Variants in GIGYF2 observed in about 807,000 individuals in gnomAD.
The protein encoded by GIGYF2 is GRB10 interacting GYF protein 2.
A neutral mutation model predicts 208.1 loss-of-function variants in GIGYF2; 25 were observed. That is an observed-to-expected ratio of 0.12 (90% CI 0.09 to 0.17). GIGYF2 has a LOEUF of 0.17. Among genes scored for constraint, GIGYF2 ranks in the 10% least tolerant of loss-of-function variants. The probability of loss-of-function intolerance (pLI) is 1.00; values close to 1 mark genes in which losing one functional copy is unlikely to be tolerated. For missense variants in GIGYF2, 1,302 were observed against 1,579.4 expected, an observed-to-expected ratio of 0.82 and a Z score of 2.98; for synonymous variants, 534 against 543.8, an observed-to-expected ratio of 0.98 and a Z score of 0.25.
intron 8 of GIGYF2, among the ~76,000 whole-genome samples, chr2:232,785,039 C>T (rs1193123764): frequency 1.3e-5 from 2 of 152,000 alleles, no homozygotes; most frequent in African/African-American, 4.8e-5. Flanking sequence ...ATGCTGGTGC[C>T]ATGCTTGTAT....
At chr2:232,704,825 T>C (rs568960091) in intron 2 of GIGYF2, among the ~76,000 whole-genome samples, 33 of 151,932 alleles carry the variant, frequency 2.2e-4, no homozygotes, top group African/African-American at 7.2e-4. Context: ...GTTATTTCCA[T>C]TGATTGTTTT....
At chr2:232,848,965 C>G (rs937815922) in intron 27 of GIGYF2, among the ~76,000 whole-genome samples, 1 of 152,100 alleles carries the variant, frequency 6.6e-6, no homozygotes, top group Non-Finnish European at 1.5e-5. Context: ...TGGCAAGGCT[C>G]ATGGAAGGGC....
Position 232,850,271 on chromosome 2 carries a change from T to G in GIGYF2, c.3694T>G (p.Trp1232Gly). 2 of 1,613,510 alleles carry G rather than the reference T, an allele frequency of 1.2e-6. No homozygotes were observed. Among genetic ancestry groups the G allele is most frequent in the Non-Finnish European group, 1.7e-6 (2 of 1,179,426 alleles). The change falls in exon 28 of 29, where the codon TGG becomes GGG. Residue 1232 changes from tryptophan to glycine, a missense_variant. Trp to Gly is a radical substitution (Grantham distance 184). Around this residue, in one of 8 missense-constraint regions of GIGYF2, gnomAD observed 701 missense variants for 793.0 expected, o/e 0.88. Coordinates refer to ENST00000373563, the MANE Select transcript of GIGYF2 (RefSeq NM_001103146.3). ...GCTGCTTATTTCACAGGACTCTGTG[T>G]GGGGGATGAACCACAGTACACTCCA... ...PQQPQQQDSV[W>G]GMNHSTLHSV...
chr2:232,761,370 T>C (rs749371275), intron 7 of GIGYF2, 26 bp from the exon 8 acceptor site: 59 of 1,557,946 alleles, frequency 3.8e-5, no homozygotes, highest in Non-Finnish European at 4.9e-5. Context: ...TGAGACTTTG[T>C]TTGAAACTTA....
intron 9 of GIGYF2, 85 bp downstream of exon 9, chr2:232,787,414 C>A: frequency 8.2e-7 from 1 of 1,220,188 alleles, no homozygotes; most frequent in South Asian, 1.3e-5. Flanking sequence ...AAAAGATAAA[C>A]TGGCTTAAAA....
chr2:232,750,035 A>G (rs1203295634), intron 5 of GIGYF2, among the ~76,000 whole-genome samples: 1 of 152,090 alleles, frequency 6.6e-6, no homozygotes, highest in African/African-American at 2.4e-5. Context: ...AAATAAAAAA[A>G]TTAGCCGAGC....
At position 232,820,050 on chromosome 2, in the gene GIGYF2, T is replaced by C. The variant is rs1574921482; in HGVS notation, c.2529+65T>C. On this transcript the variant is annotated intron_variant, in intron 21 of 28. Coordinates refer to ENST00000373563, the MANE Select transcript of GIGYF2 (RefSeq NM_001103146.3). ...CTGGGAATTAGTGATTTAGAAAATA[T>C]TAGGACATTAAGGTAGCCTATCTAA... is the stretch of plus-strand genomic sequence containing the variant. The C allele has an allele frequency of 8.2e-6, 13 of 1,587,816 alleles. 1 individual carries two copies. The South Asian group carries it at 1.3e-4, about 16-fold the overall frequency.
chr2:232,850,461 A>C (rs543944739), intron 28 of GIGYF2, 52 bp downstream of exon 28: 4 of 1,514,084 alleles, frequency 2.6e-6, no homozygotes, highest in African/African-American at 2.7e-5. Context: ...AGGTGATACC[A>C]GTTATCCTGT....
chr2:232,707,528 G>T (rs1232545937), intron 2 of GIGYF2, among the ~76,000 whole-genome samples: 1 of 152,130 alleles, frequency 6.6e-6, no homozygotes, highest in Non-Finnish European at 1.5e-5. Context: ...GATGTCTTCA[G>T]TGTAACTGGA....
chr2:232,789,246 C>T (rs549264839), intron 9 of GIGYF2, among the ~76,000 whole-genome samples: 23 of 152,016 alleles, frequency 1.5e-4, no homozygotes, highest in East Asian at 1.4e-3. Flanking sequence ...ATAGGGCTTC[C>T]GGCTGGATGT....
intron 14 of GIGYF2, among the ~76,000 whole-genome samples, chr2:232,804,101 TA>T (rs1553615666): frequency 6.6e-6 from 1 of 152,148 alleles, no homozygotes; most frequent in Non-Finnish European, 1.5e-5. Context: ...AATCTTCTTT[TA>T]AAAAAATTTT....
At chr2:232,728,426 C>G (rs1230109668) in intron 2 of GIGYF2, among the ~76,000 whole-genome samples, 1 of 152,020 alleles carries the variant, frequency 6.6e-6, no homozygotes, top group Non-Finnish European at 1.5e-5. Context: ...AGAGTTTGGA[C>G]TATAATGAAA....
chr2:232,796,764 G>A (rs1574895406), intron 14 of GIGYF2, among the ~76,000 whole-genome samples: 1 of 152,076 alleles, frequency 6.6e-6, no homozygotes, highest in Non-Finnish European at 1.5e-5. Context: ...GGAGGGTGAG[G>A]CAGGAGAATC....
chr2:232,791,782 G>A lies in GIGYF2; in HGVS notation c.1282+336G>A, dbSNP rs1700076861. 3.3e-5 allele frequency among the ~76,000 whole-genome samples: 5 copies of A among 152,250 alleles called. No individual in the cohort carries two copies. The South Asian group carries it at 1.0e-3, about 32-fold the overall frequency. On this transcript the variant is annotated intron_variant, in intron 12 of 28. Coordinates refer to ENST00000373563, the MANE Select transcript of GIGYF2 (RefSeq NM_001103146.3). ...TATTAGACAGTTACCTTCCTTTCAT[G>A]TGTTGACTAATTATGTGCCCAGCTT...
At chr2:232,793,273 T>G (rs941723783) in intron 12 of GIGYF2, among the ~76,000 whole-genome samples, 5 of 152,356 alleles carry the variant, frequency 3.3e-5, no homozygotes, top group African/African-American at 1.2e-4. Context: ...CAGTTTGGCT[T>G]CACTGTGACC....
At chr2:232,814,078 G>A (rs1294588281) in intron 18 of GIGYF2, among the ~76,000 whole-genome samples, 2 of 151,166 alleles carry the variant, frequency 1.3e-5, no homozygotes, top group African/African-American at 4.9e-5. Context: ...GGTAGAGACG[G>A]TTTCACCACG....
At chr2:232,790,419 G>A (rs961556971) in intron 9 of GIGYF2, among the ~76,000 whole-genome samples, 1 of 152,150 alleles carries the variant, frequency 6.6e-6, no homozygotes, top group African/African-American at 2.4e-5. Context: ...TGCGTACTTG[G>A]AATACAGTGT....
intron 22 of GIGYF2, among the ~76,000 whole-genome samples, chr2:232,837,182 A>G (rs113090295): frequency 5.3e-5 from 8 of 152,124 alleles, no homozygotes; most frequent in African/African-American, 1.9e-4. Context: ...GGAACTTAGC[A>G]TTTGTCACAG....
At chr2:232,756,126 G>A in intron 5 of GIGYF2, 97 bp from the exon 6 acceptor site, 1 of 702,346 alleles carries the variant, frequency 1.4e-6, no homozygotes, top group East Asian at 2.7e-5. Context: ...GATGCAGTAG[G>A]AATGTGGGGA....
Sources: allele counts gnomAD v4.1 joint callset (sites outside exome capture counted in the v4.1 genomes callset), GRCh38; gene constraint gnomAD v4.1.1; regional missense constraint gnomAD v4.1.1; transcripts MANE v1.5; gene names NCBI Gene and HGNC (gene_info 2026-07-23, HGNC 2026-07-21).